Variants in KANK1 observed in about 807,000 individuals in gnomAD.
KANK1 encodes KN motif and ankyrin repeat domain-containing protein 1.
In KANK1, 109 loss-of-function variants were observed where a neutral mutation model predicts 106.2. The ratio of observed to expected loss-of-function variants is 1.03; its 90% confidence interval spans 0.88 to 1.20. The LOEUF is 1.20. Ranked by LOEUF, KANK1 falls within the 50% of genes most tolerant of loss-of-function variation. KANK1 has a pLI of 0.00. For missense variants in KANK1, 2,399 were observed against 1,710.7 expected, an observed-to-expected ratio of 1.40 and a Z score of -7.10; for synonymous variants, 873 against 652.2, an observed-to-expected ratio of 1.34 and a Z score of -5.16.
chr9:711,100 C>T lies in KANK1; in HGVS notation c.334C>T (p.Gln112Ter). 6.2e-7 allele frequency: 1 copy of T among 1,614,182 alleles called. No homozygotes were observed. Among genetic ancestry groups the T allele is most frequent in the South Asian group, 1.1e-5 (1 of 91,080 alleles). ...CCCCAACTTCCTCATAGCCAGAAGT[C>T]AAGTTACATCAACTCCAATCTCAAA... The part of the protein sequence containing the change: ...QCPNFLIARS[Q>*]VTSTPISKPP... Residue 112 changes from glutamine (Q) to a stop codon, truncating the protein, a stop_gained, in exon 3 of 12, where the codon CAA becomes TAA. Transcript: ENST00000382297. LOFTEE classifies it high-confidence loss of function.
intron 1 of KANK1, among the ~76,000 whole-genome samples, chr9:587,296 G>T (rs956805821): frequency 4.6e-5 from 7 of 151,878 alleles, no homozygotes; most frequent in African/African-American, 1.7e-4. Context: ...ATTGAGAAAA[G>T]ACTTTTATAG....
intron 3 of KANK1, among the ~76,000 whole-genome samples, chr9:477,307 A>G (rs1462253891): frequency 6.6e-6 from 1 of 151,814 alleles, no homozygotes; most frequent in Non-Finnish European, 1.5e-5. Context: ...GCAAACAGAA[A>G]AAAAAAAAAA....
At chr9:504,673 C>T (rs888720290), upstream of KANK1, 6 of 150,892 alleles carry the variant, frequency 4.0e-5, no homozygotes, top group African/African-American at 1.5e-4. Flanking sequence ...CCGACTCCGC[C>T]CCCTGCGCCC....
chr9:674,890 A>T, intron 1 of KANK1, among the ~76,000 whole-genome samples: 1 of 151,906 alleles, frequency 6.6e-6, no homozygotes. Context: ...TTTTTAGTAG[A>T]GAAGAGGTTT....
chr9:594,344 G>A (rs1165880808), intron 1 of KANK1, among the ~76,000 whole-genome samples: 1 of 151,930 alleles, frequency 6.6e-6, no homozygotes, highest in Non-Finnish European at 1.5e-5. Flanking sequence ...ATTGACAGAG[G>A]CTGGCTGGAG....
Position 599,018 on chromosome 9 carries a change from TTA to T in KANK1, c.-83-77870_-83-77869del, listed in dbSNP as rs1039254934. ...TATGAATGATTTGTATTTATTATTA[TTA>T]TTTTTTTTTTTTTTTGAGACGGAGT... On this transcript the variant is annotated intron_variant, in intron 1 of 11. Coordinates refer to ENST00000382297, the MANE Select transcript of KANK1 (RefSeq NM_015158.5). Among the ~76,000 whole-genome samples the T allele has an allele frequency of 3.4e-4, 44 of 128,788 alleles. 2 individuals are homozygous for T. The highest frequency in any genetic ancestry group is 1.1e-3 in the African/African-American group (40 of 36,528). The allele number at this position is 128,788 out of a possible 152,430, so 84.5% of individuals were successfully genotyped here. A position where few individuals can be genotyped will look rare whatever the true frequency, so the allele number is the denominator to read the frequency against.
At chr9:483,363 G>C (rs2058239949) in intron 3 of KANK1, among the ~76,000 whole-genome samples, 1 of 152,144 alleles carries the variant, frequency 6.6e-6, no homozygotes, top group African/African-American at 2.4e-5. Context: ...CAGAGATTTA[G>C]ATTTAACTGG....
At chr9:505,133 C>G (rs2058688165) in intron 1 of KANK1, among the ~76,000 whole-genome samples, 1 of 152,130 alleles carries the variant, frequency 6.6e-6, no homozygotes, top group African/African-American at 2.4e-5. Context: ...CTACCCCGGC[C>G]CGGCGCTCTG....
chr9:722,902 G>C (rs1049221362), intron 3 of KANK1, among the ~76,000 whole-genome samples: 5 of 152,140 alleles, frequency 3.3e-5, no homozygotes, highest in African/African-American at 1.2e-4. Flanking sequence ...TCTCATTGAG[G>C]AGACAGGGCA....
intron 3 of KANK1, among the ~76,000 whole-genome samples, chr9:719,367 G>T (rs1182055647): frequency 6.6e-6 from 1 of 152,166 alleles, no homozygotes; most frequent in Non-Finnish European, 1.5e-5. Flanking sequence ...ACTCCATAAT[G>T]AATTGGAAAT....
intron 1 of KANK1, among the ~76,000 whole-genome samples, chr9:667,000 A>G (rs1181625712): frequency 2.9e-5 from 4 of 138,038 alleles, no homozygotes; most frequent in African/African-American, 1.1e-4. Flanking sequence ...TTCCTCTTCA[A>G]TTTTTTTTTT....
chr9:701,715 C>T (rs1031252023), intron 2 of KANK1, among the ~76,000 whole-genome samples: 2 of 152,176 alleles, frequency 1.3e-5, no homozygotes, highest in Non-Finnish European at 2.9e-5. Context: ...GAAAAATTAC[C>T]TCCAGTTGAG....
At chr9:559,738 A>C (rs1051032348) in intron 1 of KANK1, among the ~76,000 whole-genome samples, 3 of 152,194 alleles carry the variant, frequency 2.0e-5, no homozygotes, top group African/African-American at 7.2e-5. Flanking sequence ...GATTTTTCTA[A>C]ATGTGACCCA....
chr9:543,180 A>G (rs1329958882), intron 1 of KANK1, among the ~76,000 whole-genome samples: 2 of 152,168 alleles, frequency 1.3e-5, no homozygotes, highest in African/African-American at 4.8e-5. Context: ...AAAAGTGATA[A>G]ACGGTAATAA....
chr9:571,425 A>G (rs1449662048), intron 1 of KANK1, among the ~76,000 whole-genome samples: 3 of 152,212 alleles, frequency 2.0e-5, no homozygotes, highest in Non-Finnish European at 2.9e-5. Context: ...CCTACACTGG[A>G]AAAATAATAA....
At chr9:706,867 C>A in intron 2 of KANK1, 6 of 985,424 alleles carry the variant, frequency 6.1e-6, no homozygotes, top group Non-Finnish European at 7.2e-6. Flanking sequence ...CAGACTCTTT[C>A]ATGAAGCAGT....
At chr9:551,298 C>A (rs1377761027) in intron 1 of KANK1, among the ~76,000 whole-genome samples, 1 of 151,772 alleles carries the variant, frequency 6.6e-6, no homozygotes, top group African/African-American at 2.4e-5. Context: ...GGAGGCAGGG[C>A]TGTTACCCAT....
At position 612,462 on chromosome 9, in the gene KANK1, G is replaced by A. The variant is rs563109754; in HGVS notation, c.-83-64428G>A. Among the ~76,000 whole-genome samples, 15 of 152,174 alleles carry A rather than the reference G, an allele frequency of 9.9e-5. No homozygotes were observed. The South Asian group carries it at 2.5e-3, about 25-fold the overall frequency. ...TGATAAGGTATCCCACATTATCGGT[G>A]TTTTTTTGAAGACAGCCTTTAGGGT... On this transcript the variant is annotated intron_variant, in intron 1 of 11. Transcript: ENST00000382297.
At chr9:645,068 G>C (rs1327053115) in intron 1 of KANK1, among the ~76,000 whole-genome samples, 1 of 143,462 alleles carries the variant, frequency 7.0e-6, no homozygotes, top group Non-Finnish European at 1.5e-5. Flanking sequence ...AGGTTGCAGT[G>C]AGCGGAGATC....
Sources: gnomAD v4.1 joint callset for allele counts (sites outside exome capture counted in the v4.1 genomes callset) on GRCh38, gnomAD v4.1.1 for gene constraint, MANE v1.5 for transcripts, NCBI Gene and HGNC (gene_info 2026-07-23, HGNC 2026-07-21) for gene names.